The following ZHX3 variants were observed in gnomAD, a reference collection of about 807,000 sequenced individuals.
ZHX3 encodes the protein zinc fingers and homeoboxes protein 3.
Under a neutral mutation model 64.5 loss-of-function variants are expected in ZHX3, and 20 were observed. The observed-to-expected ratio is 0.31, with a 90% CI of 0.22 to 0.45. ZHX3 has a LOEUF of 0.45. Among genes scored for constraint, ZHX3 ranks in the 20% least tolerant of loss-of-function variants. ZHX3 has a pLI of 1.00. For synonymous variants in ZHX3, 423 were observed against 461.6 expected (o/e 0.92, Z 1.07); for missense variants, 1,041 against 1,195.8 (o/e 0.87, Z 1.91).
chr20:41,216,247 T>A (rs2039526682), intron 2 of ZHX3, among the ~76,000 whole-genome samples: 1 of 152,210 alleles, frequency 6.6e-6, no homozygotes, highest in African/African-American at 2.4e-5. Context: ...TTCCACTATT[T>A]AGTGCTAGCA....
chr20:41,242,797 G>C (rs75403630), intron 2 of ZHX3, among the ~76,000 whole-genome samples: 21,237 of 152,134 alleles, frequency 0.14, 1,720 homozygotes, highest in Non-Finnish European at 0.17. Flanking sequence ...CCAAATACTA[G>C]ATAGTACTTC....
intron 3 of ZHX3, among the ~76,000 whole-genome samples, chr20:41,199,278 C>T (rs757107399): frequency 6.6e-6 from 1 of 152,042 alleles, no homozygotes; most frequent in African/African-American, 2.4e-5. Flanking sequence ...GTGAATGGAC[C>T]ATGGTTTTCT....
intron 2 of ZHX3, among the ~76,000 whole-genome samples, chr20:41,257,770 CCTGG>C (rs917722619): frequency 1.4e-5 from 2 of 147,946 alleles, no homozygotes; most frequent in South Asian, 2.1e-4. Context: ...CGCCACCATG[CCTGG>C]CTAAGTTTTC....
At chr20:41,245,870 C>T (rs1225115050) in intron 2 of ZHX3, among the ~76,000 whole-genome samples, 1 of 152,188 alleles carries the variant, frequency 6.6e-6, no homozygotes, top group Non-Finnish European at 1.5e-5. Flanking sequence ...ATTTCTGGTT[C>T]CACTTTGAGA....
chr20:41,191,388 CTT>C lies in ZHX3; in HGVS notation c.2861-6189_2861-6188del, dbSNP rs1274347789. Among the ~76,000 whole-genome samples the C allele has an allele frequency of 2.0e-5, 3 of 152,086 alleles. No homozygotes were observed. The East Asian group carries it at 5.8e-4, about 29-fold the overall frequency. ...ATTTGCTTTTTTATGACATATATCTCTTTGATAAAATTATCATTCATTTCCCA... is the reference window on the plus strand; with the variant it reads ...ATTTGCTTTTTTATGACATATATCTCTGATAAAATTATCATTCATTTCCCA... On this transcript the variant is annotated intron_variant, in intron 3 of 3. Coordinates refer to ENST00000683867, the MANE Select transcript of ZHX3 (RefSeq NM_001384317.1).
intron 2 of ZHX3, among the ~76,000 whole-genome samples, chr20:41,265,980 C>A (rs1389275958): frequency 6.6e-6 from 1 of 152,120 alleles, no homozygotes; most frequent in Non-Finnish European, 1.5e-5. Flanking sequence ...CACAACAGAA[C>A]AATGGTAGCA....
Position 41,204,646 on chromosome 20 carries a change from G to A in ZHX3, c.271C>T (p.Gln91Ter). The A allele has an allele frequency of 6.2e-7, 1 of 1,614,212 alleles. No individual in the cohort carries two copies. Among genetic ancestry groups the A allele is most frequent in the East Asian group, 2.2e-5 (1 of 44,880 alleles). ...TCTGAGTTCATATGTCCCACAAATT[G>A]GGTCATGTCATGGGATCTGAAATCG... ...YCDFRSHDMTQFVGHMNSEHT... is the reference protein window; with the variant it reads ...YCDFRSHDMT Residue 91 changes from glutamine (Q) to a stop codon, truncating the protein, a stop_gained, in exon 3 of 4, where the codon CAA (glutamine) becomes TAA (stop). Transcript: ENST00000683867. LOFTEE classifies it high-confidence loss of function. This position sits in a 1 kb window ranked among gnomAD's most constrained non-coding sequence, Gnocchi z 6.6.
rs1180014416 is a variant in ZHX3, at chr20:41,232,620, C to T, written c.-150-27554G>A. ...TCTTCTTTTTTTTTTGAGACGGAGT[C>T]TCGCTGTCGCCCAGGCTGGAGTGCA... On this transcript the variant is annotated intron_variant, in intron 2 of 3. Coordinates refer to ENST00000683867, the MANE Select transcript of ZHX3 (RefSeq NM_001384317.1). This position sits in a 1 kb window ranked among gnomAD's most constrained non-coding sequence, Gnocchi z 5.0. Among the ~76,000 whole-genome samples, 1 of 152,012 alleles carries T rather than the reference C, an allele frequency of 6.6e-6. No homozygotes were observed. Among genetic ancestry groups the T allele is most frequent in the African/African-American group, 2.4e-5 (1 of 41,396 alleles).
Position 41,219,225 on chromosome 20 carries a change from G to C in ZHX3, c.-150-14159C>G, listed in dbSNP as rs1157052982. Among the ~76,000 whole-genome samples the C allele has an allele frequency of 6.6e-6, 1 of 152,030 alleles. No individual in the cohort carries two copies. The highest frequency in any genetic ancestry group is 1.5e-5 in the Non-Finnish European group (1 of 68,004). On this transcript the variant is annotated intron_variant, in intron 2 of 3. Transcript: ENST00000683867. This position sits in a 1 kb window ranked among gnomAD's most constrained non-coding sequence, Gnocchi z 5.0. ...ATTACAAGCGTCAGCCACCGCACCT[G>C]GCCTTCCCCCTCAACTCTTATTTTT...
intron 1 of ZHX3, 40 bp from the exon 2 acceptor site, chr20:41,269,123 A>T (rs748422059): frequency 1.3e-5 from 2 of 152,216 alleles, no homozygotes; most frequent in Non-Finnish European, 2.9e-5. Context: ...ATGAGAAAAC[A>T]TTTTAGGAGG....
chr20:41,266,506 C>T (rs2042855352), intron 2 of ZHX3, among the ~76,000 whole-genome samples: 1 of 152,028 alleles, frequency 6.6e-6, no homozygotes. Flanking sequence ...TCACCTCTCA[C>T]CTGAACCACT....
intron 1 of ZHX3, among the ~76,000 whole-genome samples, chr20:41,316,265 CTA>C (rs747835195): frequency 3.4e-4 from 52 of 152,308 alleles, no homozygotes; most frequent in Non-Finnish European, 2.6e-4. Flanking sequence ...CATTCATTTT[CTA>C]TGTGTCTTTG....
intron 1 of ZHX3, among the ~76,000 whole-genome samples, chr20:41,270,374 CAAAAAA>C (rs71193635): frequency 3.6e-5 from 3 of 83,574 alleles, no homozygotes; most frequent in Non-Finnish European, 4.7e-5. Flanking sequence ...AAACTCCGTC[CAAAAAA>C]AAAAAAAAAA....
intron 1 of ZHX3, among the ~76,000 whole-genome samples, chr20:41,289,073 CCT>C (rs2044088011): frequency 2.0e-5 from 3 of 152,210 alleles, no homozygotes; most frequent in Middle Eastern, 6.8e-3. Flanking sequence ...TCCACGGCAA[CCT>C]CAACCTCTTG....
chr20:41,282,857 A>C (rs1160016527), intron 1 of ZHX3, among the ~76,000 whole-genome samples: 3 of 152,234 alleles, frequency 2.0e-5, no homozygotes, highest in Non-Finnish European at 2.9e-5. Flanking sequence ...ACGTAATAAC[A>C]CTAAAAATTC....
chr20:41,248,621 C>T (rs543185622), intron 2 of ZHX3, among the ~76,000 whole-genome samples: 4 of 152,348 alleles, frequency 2.6e-5, no homozygotes, highest in African/African-American at 4.8e-5. Flanking sequence ...CTCACTCTAA[C>T]GAGTCAATTA....
intron 1 of ZHX3, among the ~76,000 whole-genome samples, chr20:41,307,675 C>A (rs901021268): frequency 2.6e-5 from 4 of 152,134 alleles, no homozygotes; most frequent in Admixed American, 1.3e-4. Context: ...ATAAATGATG[C>A]CTTAGTAAAC....
chr20:41,222,561 A>T (rs1324305814), intron 2 of ZHX3, among the ~76,000 whole-genome samples: 3 of 152,188 alleles, frequency 2.0e-5, no homozygotes, highest in African/African-American at 7.2e-5. Flanking sequence ...ATCTACAGAG[A>T]AACTACAGAA....
Position 41,179,174 on chromosome 20 carries a change from G to A in ZHX3, c.*6017C>T, listed in dbSNP as rs564192601. 6.6e-6 allele frequency: 1 copy of A among 152,322 alleles called. No individual in the cohort carries two copies. The highest frequency in any genetic ancestry group is 1.5e-5 in the Non-Finnish European group (1 of 68,064). The allele number at this position is 152,322 out of a possible 1,614,324, so 9.4% of individuals were successfully genotyped here. On this transcript the variant is annotated 3_prime_UTR_variant, in exon 4 of 4. Coordinates refer to ENST00000683867, the MANE Select transcript of ZHX3 (RefSeq NM_001384317.1). This position sits in a 1 kb window ranked among gnomAD's most constrained non-coding sequence, Gnocchi z 4.3. The stretch of plus-strand genomic sequence containing the variant: ...GCCAGCAGGGGAGAAAGGAAGGTGG[G>A]CGTGTTTTCTCTTTAATAACAATTA...
Sources: gnomAD v4.1 joint callset for allele counts (sites outside exome capture counted in the v4.1 genomes callset) on GRCh38, gnomAD v4.1.1 for gene constraint, Gnocchi (gnomAD v3.1) non-coding constraint, MANE v1.5 for transcripts, NCBI Gene and HGNC (gene_info 2026-07-23, HGNC 2026-07-21) for gene names.